The following MICU2 variants were observed in gnomAD, a reference collection of about 807,000 sequenced individuals.
The protein encoded by MICU2 is mitochondrial calcium uptake 2.
Under a neutral mutation model 60.4 loss-of-function variants are expected in MICU2, and 64 were observed. That is an observed-to-expected ratio of 1.06 (90% confidence interval 0.87 to 1.31). The LOEUF (loss-of-function observed/expected upper bound fraction) is 1.31, where lower values mean the gene tolerates loss of function less well. Ranked by LOEUF, MICU2 falls within the 50% of genes most tolerant of loss-of-function variation. The pLI is 0.00. For synonymous variants in MICU2, 201 were observed against 175.0 expected, an observed-to-expected ratio of 1.15 and a Z score of -1.17; for missense variants, 569 against 531.0, an observed-to-expected ratio of 1.07 and a Z score of -0.70.
chr13:21,495,385 T>G (rs1237533607), intron 10 of MICU2, 67 bp from the exon 11 acceptor site: 2 of 1,357,872 alleles, frequency 1.5e-6, no homozygotes, highest in African/African-American at 2.9e-5. Context: ...AATCTAAATT[T>G]TCATTATTTG....
At chr13:21,493,705 C>CT (rs1405087668) in intron 11 of MICU2, among the ~76,000 whole-genome samples, 1 of 149,904 alleles carries the variant, frequency 6.7e-6, no homozygotes, top group East Asian at 1.9e-4. Context: ...TAATCTTTCC[C>CT]TTTTTTTCTG....
intron 1 of MICU2, among the ~76,000 whole-genome samples, chr13:21,589,333 C>T (rs887924744): frequency 6.6e-6 from 1 of 152,178 alleles, no homozygotes; most frequent in Non-Finnish European, 1.5e-5. Context: ...TGTGTCATAC[C>T]ATACATCCGT....
At chr13:21,495,010 T>C (rs1885956876) in intron 11 of MICU2, 151 bp downstream of exon 11, 2 of 524,992 alleles carry the variant, frequency 3.8e-6, no homozygotes, top group African/African-American at 3.8e-5. Context: ...TAATCTCATA[T>C]ATAAAATATA....
At chr13:21,550,623 G>A (rs1887535850) in intron 2 of MICU2, among the ~76,000 whole-genome samples, 2 of 152,118 alleles carry the variant, frequency 1.3e-5, no homozygotes, top group African/African-American at 4.8e-5. Flanking sequence ...ACGTTTAAAA[G>A]CTAGATATAG....
chr13:21,517,874 A>G (rs1886621180), intron 6 of MICU2, among the ~76,000 whole-genome samples: 1 of 152,140 alleles, frequency 6.6e-6, no homozygotes, highest in Non-Finnish European at 1.5e-5. Context: ...AAAACTATTC[A>G]AATAATTAAT....
At chr13:21,520,643 T>A (rs887362034) in intron 6 of MICU2, among the ~76,000 whole-genome samples, 1 of 146,688 alleles carries the variant, frequency 6.8e-6, no homozygotes, top group East Asian at 2.1e-4. Flanking sequence ...ACTGTTGATG[T>A]GCATTGAGGT....
intron 1 of MICU2, among the ~76,000 whole-genome samples, chr13:21,569,510 CCTA>C (rs1420669336): frequency 6.6e-6 from 1 of 152,058 alleles, no homozygotes; most frequent in Non-Finnish European, 1.5e-5. Flanking sequence ...GTCACCATCT[CCTA>C]CTATTAGTCT....
At chr13:21,559,706 G>C (rs998419425) in intron 2 of MICU2, among the ~76,000 whole-genome samples, 3 of 151,898 alleles carry the variant, frequency 2.0e-5, no homozygotes, top group Non-Finnish European at 4.4e-5. Context: ...TCTATTTTTA[G>C]TAGAGACAGG....
intron 2 of MICU2, among the ~76,000 whole-genome samples, chr13:21,563,485 A>G (rs1314856646): frequency 2.6e-5 from 4 of 152,032 alleles, no homozygotes; most frequent in Middle Eastern, 3.4e-3. Context: ...CAGTTTGAAT[A>G]TGATACACCT....
chr13:21,513,739 CAA>C (rs376128312), intron 7 of MICU2, among the ~76,000 whole-genome samples: 6 of 59,112 alleles, frequency 1.0e-4, no homozygotes, highest in African/African-American at 4.1e-4. Flanking sequence ...GACTCTGTCT[CAA>C]AAAAAAAAAA....
At chr13:21,549,196 T>C (rs1432485350) in intron 2 of MICU2, among the ~76,000 whole-genome samples, 1 of 152,118 alleles carries the variant, frequency 6.6e-6, no homozygotes, top group Non-Finnish European at 1.5e-5. Context: ...CCCAACGTGC[T>C]GGGATTACAG....
At chr13:21,539,025 C>T (rs559482851) in intron 4 of MICU2, among the ~76,000 whole-genome samples, 2 of 139,368 alleles carry the variant, frequency 1.4e-5, no homozygotes, top group Middle Eastern at 3.9e-3. Flanking sequence ...GACCTCTTTC[C>T]GTCCACTCCC....
chr13:21,582,814 G>A (rs1888376067), intron 1 of MICU2: 1 of 153,870 alleles, frequency 6.5e-6, no homozygotes, highest in Admixed American at 6.5e-5. Flanking sequence ...CACAGCAGCA[G>A]GGGCCACGTG....
At chr13:21,496,745 A>T (rs1324028073) in intron 9 of MICU2, 1 of 152,246 alleles carries the variant, frequency 6.6e-6, no homozygotes, top group Non-Finnish European at 1.5e-5. Context: ...CTGACTTCAA[A>T]ATCTGAGCAC....
At position 21,583,377 on chromosome 13, in the gene MICU2, A is replaced by G. The variant is rs189379631; in HGVS notation, c.211-16433T>C. Among the ~76,000 whole-genome samples, 85 of 152,364 alleles carry G rather than the reference A, an allele frequency of 5.6e-4. 1 individual carries two copies. Among genetic ancestry groups the G allele is most frequent in the Admixed American group, 5.5e-3 (84 of 15,308 alleles). ...ATAAAAGTGTGTCTCTGTAAAATAC[A>G]CTACTGATTGCCTTTGTATTGCAAC... On this transcript the variant is annotated intron_variant, in intron 1 of 11. Coordinates refer to ENST00000382374, the MANE Select transcript of MICU2 (RefSeq NM_152726.3).
intron 1 of MICU2, among the ~76,000 whole-genome samples, chr13:21,575,174 C>T (rs1888194302): frequency 6.6e-6 from 1 of 152,050 alleles, no homozygotes; most frequent in African/African-American, 2.4e-5. Context: ...CACAGACACA[C>T]ATACACACAT....
At chr13:21,496,481 G>A in intron 9 of MICU2, 1 of 287,468 alleles carries the variant, frequency 3.5e-6, no homozygotes, top group Non-Finnish European at 6.6e-6. Context: ...GGTGTTTTGA[G>A]GCGGCAGCTT....
At chr13:21,521,474 C>A in intron 5 of MICU2, 147 bp from the exon 6 acceptor site, 1 of 609,186 alleles carries the variant, frequency 1.6e-6, no homozygotes, top group Non-Finnish European at 2.8e-6. Context: ...ATAACAATTC[C>A]AAAGGCTGAT....
chr13:21,519,454 C>G (rs766380915), intron 6 of MICU2, among the ~76,000 whole-genome samples: 7 of 152,192 alleles, frequency 4.6e-5, no homozygotes, highest in Non-Finnish European at 1.0e-4. Context: ...CCTGCACTCT[C>G]TGGGCTCTTT....
Sources: gnomAD v4.1 joint callset for allele counts (sites outside exome capture counted in the v4.1 genomes callset) on GRCh38, gnomAD v4.1.1 for gene constraint, MANE v1.5 for transcripts, NCBI Gene and HGNC (gene_info 2026-07-23, HGNC 2026-07-21) for gene names.